Variants in VAV3 observed in about 807,000 individuals in gnomAD.
The protein encoded by VAV3 is vav guanine nucleotide exchange factor 3.
Under a neutral mutation model 131.2 loss-of-function variants are expected in VAV3, and 94 were observed. That is an observed-to-expected ratio of 0.72 (90% CI 0.61 to 0.85). The LOEUF is 0.85. Among genes scored for constraint, VAV3 ranks in the 40% least tolerant of loss-of-function variants. VAV3 has a pLI of 0.00. For synonymous variants in VAV3, 349 were observed against 342.0 expected, an observed-to-expected ratio of 1.02 and a Z score of -0.22; for missense variants, 939 against 1,002.7, an observed-to-expected ratio of 0.94 and a Z score of 0.86.
chr1:107,576,253 A>G (rs1281735771), intron 25 of VAV3: 2 of 628,390 alleles, frequency 3.2e-6, no homozygotes, highest in Non-Finnish European at 5.1e-6. Context: ...AGAGAAGAGT[A>G]AAGTGCATGG....
chr1:107,713,325 T>C (rs1051006856), intron 15 of VAV3, among the ~76,000 whole-genome samples: 1 of 151,996 alleles, frequency 6.6e-6, no homozygotes, highest in Non-Finnish European at 1.5e-5. Flanking sequence ...ATGGCTGGCC[T>C]CATTTTCACT....
rs114603959 is a variant in VAV3, at chr1:107,812,255, T to C, written c.322-32763A>G. ...CAGAGTTGACACTCTTGTGCATAGA[T>C]AGATTCATGCACAATGAGAATCCTG... On this transcript the variant is annotated intron_variant, in intron 2 of 26. Coordinates refer to ENST00000370056, the MANE Select transcript of VAV3 (RefSeq NM_006113.5). 5.6e-3 allele frequency among the ~76,000 whole-genome samples: 858 copies of C among 152,266 alleles called. 6 individuals are homozygous for C. Among genetic ancestry groups the C allele is most frequent in the African/African-American group, 0.02 (826 of 41,546 alleles).
At chr1:107,593,890 G>A (rs1256824774) in intron 25 of VAV3, among the ~76,000 whole-genome samples, 2 of 152,084 alleles carry the variant, frequency 1.3e-5, no homozygotes, top group Non-Finnish European at 2.9e-5. Flanking sequence ...AGCAGTAGTA[G>A]AGGAAGTAGA....
intron 15 of VAV3, among the ~76,000 whole-genome samples, chr1:107,725,559 G>T (rs1661789624): frequency 6.6e-6 from 1 of 152,134 alleles, no homozygotes; most frequent in Non-Finnish European, 1.5e-5. Context: ...GTGTTGCCCA[G>T]TCTGGAGTGC....
At chr1:107,940,031 T>TG (rs1339014881) in intron 1 of VAV3, among the ~76,000 whole-genome samples, 1 of 152,156 alleles carries the variant, frequency 6.6e-6, no homozygotes. Context: ...TTTGAAGTGA[T>TG]GGAGGAAAGA....
At chr1:107,723,129 G>T (rs535288346) in intron 15 of VAV3, among the ~76,000 whole-genome samples, 1 of 152,052 alleles carries the variant, frequency 6.6e-6, no homozygotes, top group East Asian at 1.9e-4. Flanking sequence ...TTTGTATTTT[G>T]TATCCTCATA....
chr1:107,681,584 G>T (rs1356219881), intron 19 of VAV3, among the ~76,000 whole-genome samples: 1 of 151,680 alleles, frequency 6.6e-6, no homozygotes, highest in African/African-American at 2.4e-5. Flanking sequence ...AAGTGTTTGG[G>T]TTTTTTATTT....
At chr1:107,806,360 T>C (rs2102317108) in intron 2 of VAV3, among the ~76,000 whole-genome samples, 1 of 151,992 alleles carries the variant, frequency 6.6e-6, no homozygotes, top group East Asian at 1.9e-4. Context: ...CTGCTTGGAG[T>C]GTCTTTACTT....
intron 2 of VAV3, among the ~76,000 whole-genome samples, chr1:107,782,277 T>C (rs1186825706): frequency 6.6e-6 from 1 of 152,196 alleles, no homozygotes. Context: ...ATCTACAAAA[T>C]CAGAATGCAT....
chr1:107,656,717 T>C (rs1656588328), intron 19 of VAV3, among the ~76,000 whole-genome samples: 2 of 152,112 alleles, frequency 1.3e-5, no homozygotes, highest in East Asian at 3.9e-4. Context: ...TCCAAAAGTA[T>C]GCACATCTAT....
chr1:107,846,936 C>T (rs1668996336), intron 2 of VAV3, among the ~76,000 whole-genome samples: 1 of 152,198 alleles, frequency 6.6e-6, no homozygotes, highest in Non-Finnish European at 1.5e-5. Context: ...TAGACATCTA[C>T]AGAACTCTCC....
At chr1:107,620,069 A>G (rs929684285) in intron 20 of VAV3, among the ~76,000 whole-genome samples, 2 of 152,190 alleles carry the variant, frequency 1.3e-5, no homozygotes, top group African/African-American at 4.8e-5. Context: ...CACTCCTAGT[A>G]GTATATGTAA....
intron 2 of VAV3, among the ~76,000 whole-genome samples, chr1:107,846,301 C>T (rs1335473843): frequency 6.6e-6 from 1 of 152,128 alleles, no homozygotes; most frequent in Non-Finnish European, 1.5e-5. Flanking sequence ...GAAGGAAGGA[C>T]TAAATACGGA....
intron 1 of VAV3, among the ~76,000 whole-genome samples, chr1:107,953,596 T>A (rs558893533): frequency 5.7e-4 from 86 of 152,188 alleles, no homozygotes; most frequent in Non-Finnish European, 1.1e-3. Flanking sequence ...GCTATTGCTA[T>A]AAGTACAGAA....
chr1:107,879,503 G>A (rs1252394720), intron 1 of VAV3, among the ~76,000 whole-genome samples: 1 of 152,036 alleles, frequency 6.6e-6, no homozygotes, highest in Non-Finnish European at 1.5e-5. Flanking sequence ...ACTGATGAAT[G>A]TATGATTTTA....
At chr1:107,828,798 C>T (rs535347814) in intron 2 of VAV3, among the ~76,000 whole-genome samples, 1 of 152,148 alleles carries the variant, frequency 6.6e-6, no homozygotes, top group South Asian at 2.1e-4. Context: ...CTGCAAAGTC[C>T]TTTTTGCCAT....
rs555471802 is a variant in VAV3 at position 107,898,097 on chromosome 1, T to C, written c.205-23080A>G. ...CTCCTTTGGGCAAAGAATGTCATTA[T>C]TAAATTAAAAAAAAAAGGAAGCAGA... On this transcript the variant is annotated intron_variant, in intron 1 of 26. Transcript: ENST00000370056. 3.5e-5 allele frequency among the ~76,000 whole-genome samples: 5 copies of C among 143,508 alleles called. No individual in the cohort carries two copies. In the South Asian group the frequency reaches 1.1e-3, roughly 32 times the overall value. The allele number at this position is 143,508 out of a possible 152,430, so 94.1% of individuals were successfully genotyped here.
intron 19 of VAV3, among the ~76,000 whole-genome samples, chr1:107,680,715 A>G (rs1050679323): frequency 1.3e-5 from 2 of 152,136 alleles, no homozygotes; most frequent in Non-Finnish European, 2.9e-5. Context: ...CCTGGCCTAC[A>G]TATATTAGCT....
At chr1:107,903,678 T>C (rs985414378) in intron 1 of VAV3, among the ~76,000 whole-genome samples, 1 of 152,148 alleles carries the variant, frequency 6.6e-6, no homozygotes, top group African/African-American at 2.4e-5. Context: ...CTAACAAAAC[T>C]GAGTCCTCCC....
Sources: allele counts gnomAD v4.1 joint callset (sites outside exome capture counted in the v4.1 genomes callset), GRCh38; gene constraint gnomAD v4.1.1; transcripts MANE v1.5; gene names NCBI Gene and HGNC (gene_info 2026-07-23, HGNC 2026-07-21).